The following KCNK12 variants were observed in gnomAD, a reference collection of about 807,000 sequenced individuals.
KCNK12 encodes the protein potassium channel subfamily K member 12.
KCNK12 carries 6 observed loss-of-function variants against 25.3 expected under a neutral mutation model. The observed-to-expected ratio is 0.24, with a 90% CI of 0.13 to 0.47. The LOEUF (loss-of-function observed/expected upper bound fraction) is 0.47. Ranked by LOEUF, KCNK12 falls within the 20% of genes least tolerant of loss-of-function variation. KCNK12 has a pLI of 0.99. For missense variants in KCNK12, 444 were observed against 661.7 expected (o/e 0.67, Z 3.61); for synonymous variants, 331 against 311.1 (o/e 1.06, Z -0.67).
In KCNK12 at chr2:47,521,847, G is replaced by A. The variant is rs545977644; in HGVS notation, c.392-39C>T. 2.9e-5 allele frequency: 43 copies of A among 1,465,968 alleles called. No homozygotes were observed. In the East Asian group the frequency reaches 8.8e-4, roughly 30 times the overall value. 90.8% of individuals were successfully genotyped at this position (1,465,968 alleles called of 1,614,324 possible). On this transcript the variant is annotated intron_variant, in intron 1 of 1. Coordinates refer to ENST00000327876, the MANE Select transcript of KCNK12 (RefSeq NM_022055.2). ...GCAGGGTCAGCGCGGTCCTGGCCGC[G>A]CAGGTGGTCCTCACTGGGCGAGGGT...
rs770259515 is a variant in KCNK12, at chr2:47,512,322, C to T, written c.*8585G>A. 7 of 1,612,654 alleles carry T rather than the reference C, an allele frequency of 4.3e-6. No individual in the cohort carries two copies. The highest frequency in any genetic ancestry group is 5.9e-6 in the Non-Finnish European group (7 of 1,179,828). Reference sequence around the variant, plus strand: ...TTTCAGAACCTCAGAGTGACAGAGCCAAAAGACCAGTGCCTCATTTTGCTG... The same window carrying T: ...TTTCAGAACCTCAGAGTGACAGAGCTAAAAGACCAGTGCCTCATTTTGCTG... On this transcript the variant is annotated 3_prime_UTR_variant, in exon 2 of 2. Transcript: ENST00000327876.
At chr2:47,563,392 T>A (rs1267582975) in intron 1 of KCNK12, 1 of 233,386 alleles carries the variant, frequency 4.3e-6, no homozygotes, top group African/African-American at 2.2e-5. Flanking sequence ...ATTATGTGTG[T>A]AAGAAAGGGT....
In KCNK12 at chr2:47,520,996, C is replaced by T. The variant is rs1325106471; in HGVS notation, c.1204G>A (p.Val402Ile). 2.2e-6 allele frequency: 3 copies of T among 1,365,632 alleles called. No homozygotes were observed. The highest frequency in any genetic ancestry group is 3.1e-5 in the Admixed American group (1 of 32,116). 84.6% of individuals were successfully genotyped at this position (1,365,632 alleles called of 1,614,324 possible). A position where few individuals can be genotyped will look rare whatever the true frequency, so the allele number is the denominator to read the frequency against. ...GAGAAGCCGTTCTGGCGCGTGTTGA[C>T]GCACACGCTGCGCGGGTAGCCGTTG... ...TANGYPRSVCVNTRQNGFSGG... is the reference protein window; with the variant it reads ...TANGYPRSVCINTRQNGFSGG... The change falls in exon 2 of 2, where the codon GTC (valine) becomes ATC (isoleucine). Residue 402 changes from valine (V) to isoleucine (I), a missense_variant. This residue lies in a region of KCNK12 where 57 missense variants were observed against 68.9 expected (regional missense o/e 0.83). Coordinates refer to ENST00000327876, the MANE Select transcript of KCNK12 (RefSeq NM_022055.2). This position sits in a 1 kb window ranked among gnomAD's most constrained non-coding sequence, Gnocchi z 5.0.
In KCNK12 at chr2:47,562,244, A is replaced by T. The variant is rs1305245410; in HGVS notation, c.391+7697T>A. 1 of 397,876 alleles carries T rather than the reference A, an allele frequency of 2.5e-6. No homozygotes were observed. The highest frequency in any genetic ancestry group is 4.4e-6 in the Non-Finnish European group (1 of 225,892). The allele number at this position is 397,876 out of a possible 1,614,324, so 24.6% of individuals were successfully genotyped here. On this transcript the variant is annotated intron_variant, in intron 1 of 1. Coordinates refer to ENST00000327876, the MANE Select transcript of KCNK12 (RefSeq NM_022055.2). This position sits in a 1 kb window ranked among gnomAD's most constrained non-coding sequence, Gnocchi z 4.8. ...AGTTTGAAAAGCACTGCTGCATGCT[A>T]TCCTACCTTCCTGGTCTGTAACATC...
rs990113497 is a variant in KCNK12 at position 47,519,533 on chromosome 2, C to T, written c.*1374G>A. 6.6e-6 allele frequency: 1 copy of T among 152,212 alleles called. No homozygotes were observed. Among genetic ancestry groups the T allele is most frequent in the East Asian group, 1.9e-4 (1 of 5,200 alleles). The allele number at this position is 152,212 out of a possible 1,614,324, so 9.4% of individuals were successfully genotyped here. On this transcript the variant is annotated 3_prime_UTR_variant, in exon 2 of 2. Transcript: ENST00000327876. The stretch of plus-strand genomic sequence containing the variant: ...TTCGTTTACACCCCCAGACCACTAT[C>T]CTTTCAATGAAGCCTGGGTATCTGG...
In KCNK12 at chr2:47,533,716, G is replaced by T. The variant is rs530904255; in HGVS notation, c.392-11908C>A. On this transcript the variant is annotated intron_variant, in intron 1 of 1. Coordinates refer to ENST00000327876, the MANE Select transcript of KCNK12 (RefSeq NM_022055.2). The surrounding 1 kb of genome is among the most constrained non-coding windows in gnomAD (Gnocchi z 4.7). ...CCCAAAGTGAGAGTGTGTGTGTGTG[G>T]GAGAGATATTTTTAAATGGGGCTGT... 5.3e-5 allele frequency among the ~76,000 whole-genome samples: 8 copies of T among 152,284 alleles called. No homozygotes were observed. The highest frequency in any genetic ancestry group is 1.9e-4 in the African/African-American group (8 of 41,568).
chr2:47,541,461 C>G (rs1669196484), intron 1 of KCNK12, among the ~76,000 whole-genome samples: 1 of 152,044 alleles, frequency 6.6e-6, no homozygotes, highest in Non-Finnish European at 1.5e-5. Context: ...GACTCTCCTC[C>G]CTCTAGGAAT....
chr2:47,569,913 A>T lies in KCNK12; in HGVS notation c.391+28T>A. On this transcript the variant is annotated intron_variant, in intron 1 of 1. Transcript: ENST00000327876. The surrounding 1 kb of genome is among the most constrained non-coding windows in gnomAD (Gnocchi z 4.1). ...GCGGCAGGTGAAAGGCACAGAGAGG[A>T]AAGATGCGCGGGGGACGCGCCGCTC... 1 of 1,330,158 alleles carries T rather than the reference A, an allele frequency of 7.5e-7. No individual in the cohort carries two copies. The highest frequency in any genetic ancestry group is 9.7e-7 in the Non-Finnish European group (1 of 1,033,388). The allele number at this position is 1,330,158 out of a possible 1,614,324, so 82.4% of individuals were successfully genotyped here. A position where few individuals can be genotyped will look rare whatever the true frequency, so the allele number is the denominator to read the frequency against.
intron 1 of KCNK12, 148 bp from the exon 2 acceptor site, chr2:47,521,956 T>G (rs1291157752): frequency 4.7e-6 from 3 of 641,324 alleles, no homozygotes; most frequent in Non-Finnish European, 7.6e-6. Context: ...AGAACAGCAC[T>G]TAGTCATTTA....
intron 1 of KCNK12, 149 bp from the exon 2 acceptor site, chr2:47,521,957 T>A: frequency 1.6e-6 from 1 of 639,206 alleles, no homozygotes; most frequent in Non-Finnish European, 2.5e-6. Context: ...GAACAGCACT[T>A]AGTCATTTAT....
chr2:47,544,955 A>C (rs1572598390), intron 1 of KCNK12, among the ~76,000 whole-genome samples: 2 of 152,226 alleles, frequency 1.3e-5, no homozygotes, highest in East Asian at 3.8e-4. Context: ...GGTGAAGCTA[A>C]AGGCTTTTTT....
At chr2:47,561,037 G>C (rs935980718) in intron 1 of KCNK12, among the ~76,000 whole-genome samples, 9 of 152,182 alleles carry the variant, frequency 5.9e-5, no homozygotes, top group African/African-American at 2.2e-4. Context: ...CCTTCCTTCA[G>C]CGACCTTCAC....
In KCNK12 at chr2:47,513,737, C is replaced by CCA. The variant is rs1233074887; in HGVS notation, c.*7168_*7169dup. ...TGGGTTCCCAGGCTCAGTGGTGGCACCACTGTCTACCTGGCTGCTTAGCCT... is the reference window on the plus strand; with the variant it reads ...TGGGTTCCCAGGCTCAGTGGTGGCACCACACTGTCTACCTGGCTGCTTAGCCT... On this transcript the variant is annotated 3_prime_UTR_variant, in exon 2 of 2. Coordinates refer to ENST00000327876, the MANE Select transcript of KCNK12 (RefSeq NM_022055.2). 2.0e-5 allele frequency among the ~76,000 whole-genome samples: 3 copies of CCA among 152,150 alleles called. No homozygotes were observed. The highest frequency in any genetic ancestry group is 4.4e-5 in the Non-Finnish European group (3 of 68,018).
intron 1 of KCNK12, chr2:47,563,514 G>C (rs78114041): frequency 1.3e-5 from 3 of 233,220 alleles, no homozygotes; most frequent in Admixed American, 5.6e-5. Flanking sequence ...TGGGTAACTT[G>C]GGCAACCTCT....
chr2:47,535,428 G>A (rs1206785359), intron 1 of KCNK12, among the ~76,000 whole-genome samples: 1 of 151,608 alleles, frequency 6.6e-6, no homozygotes, highest in Non-Finnish European at 1.5e-5. Context: ...CTGCGGCTGA[G>A]GGGTAAGGTG....
rs1170309191 is a variant in KCNK12, at chr2:47,519,668, T to G, written c.*1239A>C. 1.3e-5 allele frequency: 2 copies of G among 152,240 alleles called. No homozygotes were observed. 9.4% of individuals were successfully genotyped at this position (152,240 alleles called of 1,614,324 possible). ...CCTAACATTACTTCCATCCACCAGT[T>G]TCACCAGCTACCTCCCTCCTGCCTT... On this transcript the variant is annotated 3_prime_UTR_variant, in exon 2 of 2. Transcript: ENST00000327876.
intron 1 of KCNK12, among the ~76,000 whole-genome samples, chr2:47,546,490 C>A (rs1254132034): frequency 1.3e-5 from 2 of 152,168 alleles, no homozygotes; most frequent in East Asian, 3.9e-4. Context: ...AGCCCCATCT[C>A]TACAAAAACT....
At position 47,555,334 on chromosome 2, in the gene KCNK12, C is replaced by T. The variant is rs1669530036; in HGVS notation, c.391+14607G>A. Among the ~76,000 whole-genome samples, 1 of 152,240 alleles carries T rather than the reference C, an allele frequency of 6.6e-6. No individual in the cohort carries two copies. The highest frequency in any genetic ancestry group is 2.1e-4 in the South Asian group (1 of 4,834). The stretch of plus-strand genomic sequence containing the variant: ...AAGAAAGCTCCTTATCCTCCCCTAT[C>T]TGCCTAAAGGCAGGACATAAATTTC... On this transcript the variant is annotated intron_variant, in intron 1 of 1. Coordinates refer to ENST00000327876, the MANE Select transcript of KCNK12 (RefSeq NM_022055.2). The surrounding 1 kb of genome is among the most constrained non-coding windows in gnomAD (Gnocchi z 4.5).
chr2:47,511,843 G>A lies in KCNK12; in HGVS notation c.*9064C>T, dbSNP rs1209349665. Among the ~76,000 whole-genome samples, 2 of 152,186 alleles carry A rather than the reference G, an allele frequency of 1.3e-5. No individual in the cohort carries two copies. The highest frequency in any genetic ancestry group is 2.9e-5 in the Non-Finnish European group (2 of 68,036). On this transcript the variant is annotated 3_prime_UTR_variant, in exon 2 of 2. Coordinates refer to ENST00000327876, the MANE Select transcript of KCNK12 (RefSeq NM_022055.2). This position sits in a 1 kb window ranked among gnomAD's most constrained non-coding sequence, Gnocchi z 4.3. ...TTCTATATCTGTGCTATCCAATATG[G>A]TAGCCACAAGTTACATGTGGCTATT...
Sources: gnomAD v4.1 joint callset for allele counts (sites outside exome capture counted in the v4.1 genomes callset) on GRCh38, gnomAD v4.1.1 for gene constraint, gnomAD v4.1.1 regional missense constraint, Gnocchi (gnomAD v3.1) non-coding constraint, MANE v1.5 for transcripts, NCBI Gene and HGNC (gene_info 2026-07-23, HGNC 2026-07-21) for gene names.